ZNF83: variants seen among roughly 807,000 people sequenced by gnomAD.
The protein encoded by ZNF83 is zinc finger protein 83.
For missense variants in ZNF83, 552 were observed against 629.9 expected (o/e 0.88, Z 1.32); for synonymous variants, 209 against 213.0 (o/e 0.98, Z 0.17).
chr19:52,638,173 A>ACTCT (rs1270681799), intron 1 of ZNF83, 139 bp downstream of exon 1: 1 of 152,304 alleles, frequency 6.6e-6, no homozygotes, highest in Non-Finnish European at 1.5e-5. Flanking sequence ...CGATATCCGG[A>ACTCT]CTCTCATGGG....
At chr19:52,670,311 A>T (rs2061707615) in intron 1 of ZNF83, among the ~76,000 whole-genome samples, 1 of 152,160 alleles carries the variant, frequency 6.6e-6, no homozygotes, top group Non-Finnish European at 1.5e-5. Flanking sequence ...TCTTTAAATT[A>T]GCCAATTGGA....
At chr19:52,635,431 A>C in intron 1 of ZNF83, 3 of 197,956 alleles carry the variant, frequency 1.5e-5, no homozygotes, top group South Asian at 1.9e-4. Context: ...ACCAAACCCC[A>C]TGCAGAAACT....
At chr19:52,617,399 T>C (rs2060349883) in intron 2 of ZNF83, 1 of 152,044 alleles carries the variant, frequency 6.6e-6, no homozygotes, top group Non-Finnish European at 1.5e-5. Flanking sequence ...GTACTGTGGA[T>C]ATTGAGGTGG....
intron 1 of ZNF83, among the ~76,000 whole-genome samples, chr19:52,678,571 A>T (rs1332993419): frequency 6.6e-6 from 1 of 152,120 alleles, no homozygotes; most frequent in Non-Finnish European, 1.5e-5. Flanking sequence ...CTGGACTTTT[A>T]AACACAATCT....
intron 1 of ZNF83, among the ~76,000 whole-genome samples, chr19:52,661,132 T>G (rs10417752): frequency 2.0e-5 from 3 of 151,814 alleles, no homozygotes; most frequent in African/African-American, 2.4e-5. Flanking sequence ...CAAAGAGCTA[T>G]GATTACAGGG....
chr19:52,630,070 G>A (rs1283378531), intron 2 of ZNF83, among the ~76,000 whole-genome samples: 4 of 151,940 alleles, frequency 2.6e-5, no homozygotes, highest in Non-Finnish European at 5.9e-5. Context: ...TCTGGCCACT[G>A]GGCCAAGGAA....
intron 1 of ZNF83, among the ~76,000 whole-genome samples, chr19:52,668,565 C>T (rs1462746374): frequency 6.6e-6 from 1 of 152,128 alleles, no homozygotes; most frequent in African/African-American, 2.4e-5. Flanking sequence ...TACAGCTGCC[C>T]CTTTCCCAAA....
intron 2 of ZNF83, among the ~76,000 whole-genome samples, chr19:52,621,457 T>TAATC (rs1568536162): frequency 1.3e-5 from 2 of 152,064 alleles, no homozygotes; most frequent in African/African-American, 4.8e-5. Flanking sequence ...CCTTGGTGTT[T>TAATC]AATCACTGCA....
At chr19:52,648,277 G>C (rs1303144014) in intron 3 of ZNF83, among the ~76,000 whole-genome samples, 1 of 150,522 alleles carries the variant, frequency 6.6e-6, no homozygotes, top group East Asian at 2.0e-4. Flanking sequence ...CTCTATGTCT[G>C]TCTCCTGATC....
chr19:52,634,690 T>C (rs6509658), intron 2 of ZNF83, among the ~76,000 whole-genome samples: 1 of 151,988 alleles, frequency 6.6e-6, no homozygotes, highest in Non-Finnish European at 1.5e-5. Flanking sequence ...TCGTGGACAT[T>C]AATACGTGAC....
intron 3 of ZNF83, among the ~76,000 whole-genome samples, chr19:52,645,259 T>C (rs2061357555): frequency 6.6e-6 from 1 of 152,128 alleles, no homozygotes; most frequent in African/African-American, 2.4e-5. Context: ...ACTGAAACAA[T>C]CAAACCTCTG....
chr19:52,670,358 G>C (rs2061708733), intron 1 of ZNF83, among the ~76,000 whole-genome samples: 2 of 152,178 alleles, frequency 1.3e-5, no homozygotes, highest in Non-Finnish European at 1.5e-5. Flanking sequence ...CTCGCCAATA[G>C]GGGAATGACA....
At chr19:52,635,090 C>T (rs1277461273) in exon 2 of ZNF83, 2 of 713,710 alleles carry the variant, frequency 2.8e-6, no homozygotes, top group Non-Finnish European at 5.1e-6. Flanking sequence ...TTCCTGACGC[C>T]TTTGCTTTCC....
intron 2 of ZNF83, among the ~76,000 whole-genome samples, chr19:52,623,070 G>C (rs2060606141): frequency 6.6e-6 from 1 of 152,224 alleles, no homozygotes; most frequent in Non-Finnish European, 1.5e-5. Flanking sequence ...CCTGCAGCCA[G>C]GGATTCCTCC....
At chr19:52,634,800 C>T (rs557993032) in intron 2 of ZNF83, among the ~76,000 whole-genome samples, 2 of 152,232 alleles carry the variant, frequency 1.3e-5, no homozygotes, top group Middle Eastern at 3.4e-3. Context: ...ACTGACACCA[C>T]GGGACCCTCA....
intron 1 of ZNF83, among the ~76,000 whole-genome samples, chr19:52,684,438 A>G (rs1369889015): frequency 6.6e-6 from 1 of 151,678 alleles, no homozygotes; most frequent in Non-Finnish European, 1.5e-5. Flanking sequence ...AATCCCAGCT[A>G]CTTGGGAGGC....
At chr19:52,670,015 AAGTC>A (rs2061702744) in intron 1 of ZNF83, among the ~76,000 whole-genome samples, 1 of 152,210 alleles carries the variant, frequency 6.6e-6, no homozygotes. Context: ...AAGAATCAAT[AAGTC>A]AGTATGTTCA....
intron 1 of ZNF83, among the ~76,000 whole-genome samples, chr19:52,664,070 G>A (rs951832050): frequency 3.9e-5 from 6 of 152,128 alleles, no homozygotes; most frequent in Admixed American, 1.3e-4. Flanking sequence ...TTTCAGTTGA[G>A]ATGAGGATTC....
chr19:52,633,851 G>A (rs955943311), intron 2 of ZNF83, among the ~76,000 whole-genome samples: 36 of 151,780 alleles, frequency 2.4e-4, no homozygotes, highest in African/African-American at 8.0e-4. Flanking sequence ...TGGAGGTTGC[G>A]GTGAGCAAAG....
Sources: allele counts gnomAD v4.1 joint callset (sites outside exome capture counted in the v4.1 genomes callset), GRCh38; gene constraint gnomAD v4.1.1; transcripts MANE v1.5; gene names NCBI Gene and HGNC (gene_info 2026-07-23, HGNC 2026-07-21).